PLPPR5: variants seen among roughly 807,000 people sequenced by gnomAD.
PLPPR5 encodes the protein phospholipid phosphatase-related protein type 5.
PLPPR5 carries 16 observed loss-of-function variants against 33.9 expected under a neutral mutation model. The observed-to-expected ratio is 0.47, with a 90% CI of 0.32 to 0.72. PLPPR5 has a LOEUF of 0.72. Ranked by LOEUF, PLPPR5 falls within the 30% of genes least tolerant of loss-of-function variation. The pLI is 0.03. For synonymous variants in PLPPR5, 163 were observed against 150.3 expected (o/e 1.08, Z -0.62); for missense variants, 301 against 406.7 (o/e 0.74, Z 2.23).
chr1:98,909,644 C>A (rs79948074), intron 5 of PLPPR5, among the ~76,000 whole-genome samples: 2,675 of 152,102 alleles, frequency 0.018, 82 homozygotes, highest in African/African-American at 0.061. Flanking sequence ...AATCACCAAG[C>A]ATTTAAGTGA....
chr1:98,971,454 T>G (rs1192505617), intron 1 of PLPPR5, among the ~76,000 whole-genome samples: 1 of 152,092 alleles, frequency 6.6e-6, no homozygotes. Context: ...TTACTCAGTT[T>G]TTATCTGATT....
At chr1:98,894,168 T>C (rs55936487) in intron 5 of PLPPR5, among the ~76,000 whole-genome samples, 25,644 of 151,926 alleles carry the variant, frequency 0.17, 2,411 homozygotes, top group Non-Finnish European at 0.21. Flanking sequence ...AAAAACAAAA[T>C]TAGTACGAAT....
chr1:98,971,278 A>G (rs970864608), intron 1 of PLPPR5, among the ~76,000 whole-genome samples: 3 of 152,100 alleles, frequency 2.0e-5, no homozygotes, highest in Non-Finnish European at 4.4e-5. Flanking sequence ...TTTGGAGAAG[A>G]GTTACATATT....
At chr1:98,961,393 C>T (rs184948661) in intron 1 of PLPPR5, among the ~76,000 whole-genome samples, 433 of 152,304 alleles carry the variant, frequency 2.8e-3, no homozygotes, top group Non-Finnish European at 4.5e-3. Flanking sequence ...CTCAGCTTGA[C>T]CTCAACAGAG....
At chr1:98,954,976 T>G (rs991448917) in intron 2 of PLPPR5, among the ~76,000 whole-genome samples, 3 of 151,930 alleles carry the variant, frequency 2.0e-5, no homozygotes, top group African/African-American at 7.3e-5. Context: ...GTGTTTGGAA[T>G]TAAAATGTCA....
At position 98,891,135 on chromosome 1, in the gene PLPPR5, G is replaced by C. The variant is rs1042685152; in HGVS notation, c.*1937C>G. The C allele has an allele frequency of 2.6e-5, 4 of 152,048 alleles. No homozygotes were observed. Among genetic ancestry groups the C allele is most frequent in the African/African-American group, 9.7e-5 (4 of 41,428 alleles). The allele number at this position is 152,048 out of a possible 1,614,324, so 9.4% of individuals were successfully genotyped here. ...TTATTGCCTAAAAAATCTTTAAAAA[G>C]GGTCAAGACATTCAAAGTTTCTTCA... On this transcript the variant is annotated 3_prime_UTR_variant, in exon 6 of 6. Transcript: ENST00000263177.
chr1:98,958,959 C>A (rs760022571), intron 1 of PLPPR5, among the ~76,000 whole-genome samples: 12 of 152,148 alleles, frequency 7.9e-5, no homozygotes, highest in Admixed American at 3.9e-4. Context: ...TGGTACACTG[C>A]ACCCCAACTC....
intron 1 of PLPPR5, among the ~76,000 whole-genome samples, chr1:98,960,895 T>C (rs1651221483): frequency 6.6e-6 from 1 of 152,206 alleles, no homozygotes; most frequent in South Asian, 2.1e-4. Context: ...AGGCTCCTCC[T>C]AGCCAATGAC....
intron 3 of PLPPR5, among the ~76,000 whole-genome samples, chr1:98,927,208 T>C (rs1210307591): frequency 6.6e-6 from 1 of 152,242 alleles, no homozygotes; most frequent in Non-Finnish European, 1.5e-5. Flanking sequence ...TAAGCACCCA[T>C]CTTTCACTGA....
At chr1:98,900,665 A>C (rs1648664652) in intron 5 of PLPPR5, among the ~76,000 whole-genome samples, 1 of 152,114 alleles carries the variant, frequency 6.6e-6, no homozygotes, top group Admixed American at 6.6e-5. Context: ...TTTTCCTTTA[A>C]CTTTTTAAAA....
chr1:98,943,626 A>C (rs1050697481), intron 3 of PLPPR5, among the ~76,000 whole-genome samples: 6 of 152,220 alleles, frequency 3.9e-5, no homozygotes, highest in African/African-American at 1.4e-4. Context: ...AAGAGGAGTA[A>C]CTACTTATTA....
intron 1 of PLPPR5, among the ~76,000 whole-genome samples, chr1:98,969,828 C>A (rs1277813086): frequency 2.6e-5 from 4 of 151,908 alleles, no homozygotes; most frequent in African/African-American, 9.7e-5. Context: ...TTCTGTTGTA[C>A]AGTGGTCACC....
At chr1:99,002,247 T>C (rs1230146902) in intron 1 of PLPPR5, among the ~76,000 whole-genome samples, 1 of 152,138 alleles carries the variant, frequency 6.6e-6, no homozygotes, top group African/African-American at 2.4e-5. Context: ...TCTAAACTGA[T>C]TCCCAAACCC....
At chr1:98,975,789 C>A (rs973598358) in intron 1 of PLPPR5, among the ~76,000 whole-genome samples, 2 of 151,884 alleles carry the variant, frequency 1.3e-5, no homozygotes, top group African/African-American at 4.8e-5. Flanking sequence ...CAAGCTCTAC[C>A]GAACCAACAA....
intron 1 of PLPPR5, among the ~76,000 whole-genome samples, chr1:98,967,998 G>T (rs1188258422): frequency 1.3e-5 from 2 of 152,112 alleles, no homozygotes; most frequent in African/African-American, 4.8e-5. Flanking sequence ...AGAAAAAGGA[G>T]ATTCAGTTTG....
At chr1:98,899,776 A>C (rs993164084) in intron 5 of PLPPR5, among the ~76,000 whole-genome samples, 2 of 150,906 alleles carry the variant, frequency 1.3e-5, no homozygotes, top group Non-Finnish European at 2.9e-5. Flanking sequence ...CTCCTGCCTC[A>C]GCCTCCTGAG....
Position 98,891,035 on chromosome 1 carries a change from T to C in PLPPR5, c.*2037A>G, listed in dbSNP as rs1386478586. On this transcript the variant is annotated 3_prime_UTR_variant, in exon 6 of 6. Coordinates refer to ENST00000263177, the MANE Select transcript of PLPPR5 (RefSeq NM_001037317.2). The stretch of plus-strand genomic sequence containing the variant: ...ACTGATAGAAGTCTGGAAGCCTTAC[T>C]AGTAATCTAGCTTTCTAAGACATTA... 1 of 152,152 alleles carries C rather than the reference T, an allele frequency of 6.6e-6. No homozygotes were observed. The highest frequency in any genetic ancestry group is 2.4e-5 in the African/African-American group (1 of 41,450). The allele number at this position is 152,152 out of a possible 1,614,324, so 9.4% of individuals were successfully genotyped here.
At chr1:98,901,424 G>C (rs896933480) in intron 5 of PLPPR5, among the ~76,000 whole-genome samples, 1 of 152,046 alleles carries the variant, frequency 6.6e-6, no homozygotes, top group African/African-American at 2.4e-5. Flanking sequence ...ATACGCCAAG[G>C]AAGGATGTAT....
At chr1:98,909,811 TA>T (rs1473152616) in intron 5 of PLPPR5, among the ~76,000 whole-genome samples, 1 of 151,450 alleles carries the variant, frequency 6.6e-6, no homozygotes, top group Non-Finnish European at 1.5e-5. Flanking sequence ...CAAGCAGTCA[TA>T]AAAAAGTTAC....
Sources: allele counts gnomAD v4.1 joint callset (sites outside exome capture counted in the v4.1 genomes callset), GRCh38; gene constraint gnomAD v4.1.1; transcripts MANE v1.5; gene names NCBI Gene and HGNC (gene_info 2026-07-23, HGNC 2026-07-21).